PCDH9: variants seen among roughly 807,000 people sequenced by gnomAD.
PCDH9 encodes protocadherin 9.
Under a neutral mutation model 70.6 loss-of-function variants are expected in PCDH9, and 24 were observed. That is an observed-to-expected ratio of 0.34 (90% CI 0.25 to 0.48). The LOEUF (loss-of-function observed/expected upper bound fraction) is 0.48. Ranked by LOEUF, PCDH9 falls within the 20% of genes least tolerant of loss-of-function variation. The pLI is 0.99. For synonymous variants in PCDH9, 562 were observed against 558.5 expected (o/e 1.01, Z -0.09); for missense variants, 1,281 against 1,503.6 (o/e 0.85, Z 2.45).
At chr13:67,037,397 T>C (rs1024427077) in intron 2 of PCDH9, among the ~76,000 whole-genome samples, 1 of 152,212 alleles carries the variant, frequency 6.6e-6, no homozygotes, top group East Asian at 1.9e-4. Flanking sequence ...CTGTATGCAT[T>C]CTATAAACAA....
intron 2 of PCDH9, among the ~76,000 whole-genome samples, chr13:66,921,784 G>A (rs1014334077): frequency 6.6e-6 from 1 of 151,218 alleles, no homozygotes; most frequent in Non-Finnish European, 1.5e-5. Context: ...GAGTACAGCG[G>A]GGCTGAGGTG....
chr13:66,411,003 A>T (rs1192975260), intron 4 of PCDH9, among the ~76,000 whole-genome samples: 1 of 152,234 alleles, frequency 6.6e-6, no homozygotes, highest in African/African-American at 2.4e-5. Context: ...GTTATTCCTC[A>T]TAATGGTAAC....
Position 66,822,136 on chromosome 13 carries a change from G to GCGCACACA in PCDH9, c.3138+81367_3138+81368insTGTGTGCG, listed in dbSNP as rs1555272303. ...AATAAGGTTGACCCATCACACACGC[G>GCGCACACA]CACACACACACACACACACACACTC... On this transcript the variant is annotated intron_variant, in intron 3 of 4. Coordinates refer to ENST00000377865, the MANE Select transcript of PCDH9 (RefSeq NM_203487.3). Among the ~76,000 whole-genome samples, 154 of 149,262 alleles carry GCGCACACA rather than the reference G, an allele frequency of 1.0e-3. 1 individual carries two copies. The highest frequency in any genetic ancestry group is 4.1e-3 in the Admixed American group (61 of 14,890).
At chr13:66,491,385 T>TG (rs1555299289) in intron 4 of PCDH9, among the ~76,000 whole-genome samples, 8 of 136,030 alleles carry the variant, frequency 5.9e-5, no homozygotes, top group Non-Finnish European at 7.8e-5. Flanking sequence ...GCAGGAGATA[T>TG]TGTGTGTGTG....
intron 4 of PCDH9, among the ~76,000 whole-genome samples, chr13:66,443,572 T>C (rs1333460319): frequency 2.0e-5 from 3 of 152,282 alleles, no homozygotes; most frequent in African/African-American, 7.2e-5. Flanking sequence ...TTCATGTATT[T>C]TTTTCAACTC....
At chr13:66,409,506 G>A (rs1957336127) in intron 4 of PCDH9, among the ~76,000 whole-genome samples, 1 of 152,116 alleles carries the variant, frequency 6.6e-6, no homozygotes, top group African/African-American at 2.4e-5. Flanking sequence ...TATAAGGTGT[G>A]TGGTATTTTC....
At chr13:66,507,081 CTCTGT>C (rs1959228198) in intron 4 of PCDH9, among the ~76,000 whole-genome samples, 1 of 152,108 alleles carries the variant, frequency 6.6e-6, no homozygotes, top group African/African-American at 2.4e-5. Context: ...TATACCAATA[CTCTGT>C]TCTGTAACAT....
At chr13:67,026,626 C>T (rs1566371999) in intron 2 of PCDH9, among the ~76,000 whole-genome samples, 1 of 151,966 alleles carries the variant, frequency 6.6e-6, no homozygotes, top group Non-Finnish European at 1.5e-5. Context: ...GTCAAATTGT[C>T]CTTGTTTGCA....
intron 2 of PCDH9, among the ~76,000 whole-genome samples, chr13:67,069,610 G>C (rs2085719265): frequency 1.3e-5 from 2 of 152,170 alleles, no homozygotes; most frequent in African/African-American, 4.8e-5. Context: ...AGAATGAGCA[G>C]CTTGATCTCA....
At chr13:66,668,019 C>T (rs2078120059) in intron 3 of PCDH9, among the ~76,000 whole-genome samples, 1 of 152,064 alleles carries the variant, frequency 6.6e-6, no homozygotes, top group Non-Finnish European at 1.5e-5. Flanking sequence ...GTGGAATAAA[C>T]ATAATGAATA....
At chr13:66,778,044 G>A (rs1199479527) in intron 3 of PCDH9, among the ~76,000 whole-genome samples, 9 of 147,878 alleles carry the variant, frequency 6.1e-5, no homozygotes, top group Admixed American at 2.1e-4. Flanking sequence ...AAAAAACCAA[G>A]CACTGCATAT....
At chr13:66,388,336 C>T (rs923910785) in intron 4 of PCDH9, among the ~76,000 whole-genome samples, 1 of 152,164 alleles carries the variant, frequency 6.6e-6, no homozygotes, top group South Asian at 2.1e-4. Flanking sequence ...TTTCAGTGAA[C>T]TGATTTTAGT....
chr13:67,001,554 G>A (rs2084244681), intron 2 of PCDH9, among the ~76,000 whole-genome samples: 1 of 151,868 alleles, frequency 6.6e-6, no homozygotes, highest in Non-Finnish European at 1.5e-5. Context: ...GTACCTAGGA[G>A]AGAATGTCAA....
chr13:67,020,523 ATTACT>A (rs1254944118), intron 2 of PCDH9, among the ~76,000 whole-genome samples: 1 of 152,208 alleles, frequency 6.6e-6, no homozygotes, highest in Non-Finnish European at 1.5e-5. Flanking sequence ...AAATGCAGAT[ATTACT>A]TTATTCTCAA....
At chr13:66,800,798 C>A (rs2080314412) in intron 3 of PCDH9, among the ~76,000 whole-genome samples, 1 of 151,918 alleles carries the variant, frequency 6.6e-6, no homozygotes, top group Non-Finnish European at 1.5e-5. Flanking sequence ...ACATATTTAA[C>A]AATCTCATTA....
intron 4 of PCDH9, among the ~76,000 whole-genome samples, chr13:66,419,222 CA>C: frequency 3.3e-5 from 5 of 151,178 alleles, no homozygotes; most frequent in African/African-American, 1.2e-4. Flanking sequence ...ACGCTGATAC[CA>C]AAACTTGGCA....
At chr13:66,366,855 G>T (rs1351795201) in intron 4 of PCDH9, among the ~76,000 whole-genome samples, 1 of 152,056 alleles carries the variant, frequency 6.6e-6, no homozygotes, top group Non-Finnish European at 1.5e-5. Flanking sequence ...TGGTTCACCT[G>T]AGTTAGTTTT....
At chr13:66,868,765 T>A (rs2081619534) in intron 3 of PCDH9, among the ~76,000 whole-genome samples, 1 of 152,156 alleles carries the variant, frequency 6.6e-6, no homozygotes, top group Non-Finnish European at 1.5e-5. Flanking sequence ...GTAAATTTTG[T>A]TCACTTCAAG....
chr13:66,939,082 A>G (rs112940951), intron 2 of PCDH9, among the ~76,000 whole-genome samples: 1,996 of 152,018 alleles, frequency 0.013, 57 homozygotes, highest in African/African-American at 0.046. Context: ...TTTGGGCCCA[A>G]TGTTTTTTTT....
Sources: gnomAD v4.1 joint callset for allele counts (sites outside exome capture counted in the v4.1 genomes callset) on GRCh38, gnomAD v4.1.1 for gene constraint, MANE v1.5 for transcripts, NCBI Gene and HGNC (gene_info 2026-07-23, HGNC 2026-07-21) for gene names.